The following PRKCB variants were observed in gnomAD, a reference collection of about 807,000 sequenced individuals.
PRKCB encodes protein kinase C beta type.
In PRKCB, 13 loss-of-function variants were observed where a neutral mutation model predicts 81.5. The observed-to-expected ratio is 0.16, with a 90% CI of 0.10 to 0.25. The LOEUF (loss-of-function observed/expected upper bound fraction) is 0.25. Ranked by LOEUF, PRKCB falls within the 10% of genes least tolerant of loss-of-function variation. PRKCB has a pLI of 1.00. For missense variants in PRKCB, 509 were observed against 875.7 expected, an observed-to-expected ratio of 0.58 and a Z score of 5.29; for synonymous variants, 335 against 321.4, an observed-to-expected ratio of 1.04 and a Z score of -0.45.
chr16:23,904,849 AAG>A (rs1412180741), intron 2 of PRKCB, among the ~76,000 whole-genome samples: 1 of 152,098 alleles, frequency 6.6e-6, no homozygotes, highest in African/African-American at 2.4e-5. Flanking sequence ...TCCCCTAAGA[AAG>A]AGGCAAGGAC....
intron 3 of PRKCB, among the ~76,000 whole-genome samples, chr16:24,026,688 A>G (rs1024821817): frequency 1.3e-5 from 2 of 152,252 alleles, no homozygotes; most frequent in African/African-American, 4.8e-5. Flanking sequence ...AGCCAAGAGT[A>G]GAGACAGAAT....
chr16:24,010,295 A>AT (rs557805138), intron 3 of PRKCB, among the ~76,000 whole-genome samples: 18 of 152,168 alleles, frequency 1.2e-4, no homozygotes, highest in Non-Finnish European at 1.8e-4. Context: ...AAGTTTTCCC[A>AT]TTTTTTTCCA....
intron 5 of PRKCB, among the ~76,000 whole-genome samples, chr16:24,060,642 C>T (rs1300675354): frequency 6.6e-6 from 1 of 152,140 alleles, no homozygotes; most frequent in Non-Finnish European, 1.5e-5. Flanking sequence ...GCTGCAGTGC[C>T]CAAGGTTATG....
intron 2 of PRKCB, among the ~76,000 whole-genome samples, chr16:23,984,396 A>T (rs556793228): frequency 1.3e-5 from 2 of 152,334 alleles, no homozygotes; most frequent in Non-Finnish European, 2.9e-5. Flanking sequence ...CAGGATATAC[A>T]CCTGATCATC....
intron 5 of PRKCB, among the ~76,000 whole-genome samples, chr16:24,050,966 A>G (rs1965834151): frequency 6.6e-6 from 1 of 151,842 alleles, no homozygotes; most frequent in South Asian, 2.1e-4. Flanking sequence ...CTCCAGGATG[A>G]AACCTGATGC....
At chr16:23,984,379 A>G (rs887358008) in intron 2 of PRKCB, among the ~76,000 whole-genome samples, 1 of 152,212 alleles carries the variant, frequency 6.6e-6, no homozygotes, top group Non-Finnish European at 1.5e-5. Context: ...TTTGCAAATG[A>G]TAGACACAGG....
intron 2 of PRKCB, among the ~76,000 whole-genome samples, chr16:23,916,102 G>C (rs532917892): frequency 3.3e-5 from 5 of 152,146 alleles, no homozygotes; most frequent in Non-Finnish European, 5.9e-5. Flanking sequence ...TGCCCAGGCT[G>C]GAGTGCAGTG....
At chr16:24,095,070 C>T (rs914781294) in intron 7 of PRKCB, among the ~76,000 whole-genome samples, 2 of 152,150 alleles carry the variant, frequency 1.3e-5, no homozygotes, top group Admixed American at 6.5e-5. Flanking sequence ...CTATTTGTCA[C>T]CGTCCTCACC....
intron 2 of PRKCB, among the ~76,000 whole-genome samples, chr16:23,942,013 A>G (rs756636751): frequency 2.0e-5 from 3 of 152,260 alleles, no homozygotes; most frequent in Admixed American, 2.0e-4. Flanking sequence ...ATCCATTGAA[A>G]AACTATTAGT....
At chr16:23,935,037 A>T (rs1490768618) in intron 2 of PRKCB, among the ~76,000 whole-genome samples, 1 of 152,148 alleles carries the variant, frequency 6.6e-6, no homozygotes, top group Non-Finnish European at 1.5e-5. Flanking sequence ...CACATCTGGA[A>T]CCATTGACCA....
At chr16:23,986,955 A>ATTC (rs943454549) in intron 2 of PRKCB, among the ~76,000 whole-genome samples, 16 of 152,216 alleles carry the variant, frequency 1.1e-4, no homozygotes, top group Admixed American at 7.9e-4. Context: ...AAAGATAAGG[A>ATTC]TTCTATAAGC....
At chr16:23,974,865 C>T (rs1964604192) in intron 2 of PRKCB, among the ~76,000 whole-genome samples, 1 of 152,146 alleles carries the variant, frequency 6.6e-6, no homozygotes, top group African/African-American at 2.4e-5. Flanking sequence ...CACAGGGTGA[C>T]ACCATCGGGA....
intron 2 of PRKCB, among the ~76,000 whole-genome samples, chr16:23,945,991 GC>G (rs1964200266): frequency 6.6e-6 from 1 of 152,176 alleles, no homozygotes; most frequent in African/African-American, 2.4e-5. Context: ...CTTTCTCCTG[GC>G]ATGACTTCAT....
chr16:23,955,538 T>G (rs1964338790), intron 2 of PRKCB, among the ~76,000 whole-genome samples: 1 of 152,180 alleles, frequency 6.6e-6, no homozygotes, highest in Admixed American at 6.5e-5. Context: ...GACTTGTGTT[T>G]ATAAGTGTGG....
intron 10 of PRKCB, among the ~76,000 whole-genome samples, chr16:24,159,589 AAGT>A (rs1327956939): frequency 2.7e-5 from 4 of 150,602 alleles, no homozygotes; most frequent in Non-Finnish European, 5.9e-5. Flanking sequence ...CACAGCTGCT[AAGT>A]AGTGGAGCTA....
chr16:23,980,026 A>G (rs1333266238), intron 2 of PRKCB, among the ~76,000 whole-genome samples: 1 of 152,238 alleles, frequency 6.6e-6, no homozygotes, highest in African/African-American at 2.4e-5. Flanking sequence ...TTGCGGCTAC[A>G]GTGAGCTGTG....
chr16:23,887,301 A>C (rs1597229093), intron 2 of PRKCB, among the ~76,000 whole-genome samples: 1 of 152,190 alleles, frequency 6.6e-6, no homozygotes, highest in Non-Finnish European at 1.5e-5. Context: ...TGTTACCCAA[A>C]TAGTGAGCAT....
At chr16:23,856,973 T>C (rs1962578710) in intron 2 of PRKCB, among the ~76,000 whole-genome samples, 1 of 152,194 alleles carries the variant, frequency 6.6e-6, no homozygotes, top group African/African-American at 2.4e-5. Flanking sequence ...GCTCATGAAC[T>C]TGGCCCATGG....
chr16:23,957,585 T>G (rs1964366961), intron 2 of PRKCB, among the ~76,000 whole-genome samples: 1 of 152,180 alleles, frequency 6.6e-6, no homozygotes, highest in Non-Finnish European at 1.5e-5. Flanking sequence ...AGCATCTGCC[T>G]TTTTTGCCCC....
Sources: gnomAD v4.1 joint callset for allele counts (sites outside exome capture counted in the v4.1 genomes callset) on GRCh38, gnomAD v4.1.1 for gene constraint, MANE v1.5 for transcripts, NCBI Gene and HGNC (gene_info 2026-07-23, HGNC 2026-07-21) for gene names.